PARP8: variants seen among roughly 807,000 people sequenced by gnomAD.
The protein encoded by PARP8 is poly(ADP-ribose) polymerase family member 8, also known as protein mono-ADP-ribosyltransferase PARP8.
Under a neutral mutation model 124.1 loss-of-function variants are expected in PARP8, and 51 were observed. The observed-to-expected ratio is 0.41, with a 90% CI of 0.33 to 0.52. PARP8 has a LOEUF of 0.52. Among genes scored for constraint, PARP8 ranks in the 20% least tolerant of loss-of-function variants. PARP8 has a pLI of 0.21. For missense variants in PARP8, 860 were observed against 1,018.9 expected, an observed-to-expected ratio of 0.84 and a Z score of 2.12; for synonymous variants, 391 against 361.5, an observed-to-expected ratio of 1.08 and a Z score of -0.93.
intron 15 of PARP8, 36 bp from the exon 16 acceptor site, chr5:50,821,177 T>C: frequency 1.9e-6 from 3 of 1,612,300 alleles, no homozygotes; most frequent in Non-Finnish European, 2.5e-6. Context: ...GGATAAAACC[T>C]GAAGGGTAGT....
intron 9 of PARP8, among the ~76,000 whole-genome samples, chr5:50,781,110 A>G (rs72756136): frequency 9.1e-4 from 139 of 151,990 alleles, no homozygotes; most frequent in Non-Finnish European, 4.0e-4. Context: ...CATTTCTCTA[A>G]TTCTTTCATC....
chr5:50,764,529 A>C (rs1404473840), intron 7 of PARP8, among the ~76,000 whole-genome samples: 3 of 152,234 alleles, frequency 2.0e-5, no homozygotes, highest in African/African-American at 7.2e-5. Flanking sequence ...TACCATCTGC[A>C]GCCTAAGATA....
At chr5:50,832,292 A>G (rs1340408646) in intron 22 of PARP8, among the ~76,000 whole-genome samples, 1 of 152,212 alleles carries the variant, frequency 6.6e-6, no homozygotes, top group East Asian at 1.9e-4. Context: ...TTACAGAGTA[A>G]GCTAAAATTT....
At chr5:50,776,463 G>A (rs1740030524) in intron 7 of PARP8, among the ~76,000 whole-genome samples, 1 of 152,156 alleles carries the variant, frequency 6.6e-6, no homozygotes, top group South Asian at 2.1e-4. Context: ...AAAATAGTTT[G>A]CAAAGCACAG....
At position 50,845,139 on chromosome 5, in the gene PARP8, A is replaced by AT. The variant is rs1748520476; in HGVS notation, c.*3076dup. ...TTAAGTTTAGAGAAGAAATTCCTTCATTTTTCTCCCCTTTGCTAAAAGAAA... is the reference window on the plus strand; with the variant it reads ...TTAAGTTTAGAGAAGAAATTCCTTCATTTTTTCTCCCCTTTGCTAAAAGAAA... On this transcript the variant is annotated 3_prime_UTR_variant, in exon 26 of 26. Transcript: ENST00000281631. 1 of 151,622 alleles carries AT rather than the reference A, an allele frequency of 6.6e-6. No individual in the cohort carries two copies. Among genetic ancestry groups the AT allele is most frequent in the Non-Finnish European group, 1.5e-5 (1 of 67,690 alleles). 9.4% of individuals were successfully genotyped at this position (151,622 alleles called of 1,614,324 possible).
At chr5:50,779,165 C>T (rs1380559562) in intron 9 of PARP8, among the ~76,000 whole-genome samples, 3 of 151,754 alleles carry the variant, frequency 2.0e-5, no homozygotes, top group African/African-American at 7.3e-5. Flanking sequence ...ATGTTTTTTC[C>T]TACCTACTAC....
chr5:50,835,892 G>A (rs964695489), intron 25 of PARP8, among the ~76,000 whole-genome samples: 12 of 152,212 alleles, frequency 7.9e-5, no homozygotes, highest in East Asian at 3.9e-4. Context: ...CTTCCAACCC[G>A]TTTCCCATGC....
Position 50,766,287 on chromosome 5 carries a change from C to T in PARP8, c.518+3045C>T, listed in dbSNP as rs185258124. 4.8e-3 allele frequency among the ~76,000 whole-genome samples: 732 copies of T among 152,236 alleles called. 3 individuals are homozygous for T. Among genetic ancestry groups the T allele is most frequent in the Non-Finnish European group, 7.9e-3 (537 of 68,008 alleles). On this transcript the variant is annotated intron_variant, in intron 7 of 25. Transcript: ENST00000281631. ...CTTTTGTATAGGAAGTGAGTTAGGT[C>T]TTGGGGCAACATGAACTTTGCGATC...
At chr5:50,748,501 A>G (rs1286139051) in intron 2 of PARP8, among the ~76,000 whole-genome samples, 2 of 152,148 alleles carry the variant, frequency 1.3e-5, no homozygotes, top group Non-Finnish European at 2.9e-5. Flanking sequence ...GTCTGGTATT[A>G]TTCATCCAGA....
chr5:50,685,841 C>T (rs940897409), intron 2 of PARP8, among the ~76,000 whole-genome samples: 1 of 152,126 alleles, frequency 6.6e-6, no homozygotes, highest in Non-Finnish European at 1.5e-5. Context: ...TGCAGCAAAA[C>T]TCCCCTCTTG....
chr5:50,795,151 T>A lies in PARP8; in HGVS notation c.1162T>A (p.Ser388Thr). The A allele has an allele frequency of 1.2e-6, 2 of 1,614,174 alleles. No individual in the cohort carries two copies. The highest frequency in any genetic ancestry group is 1.7e-6 in the Non-Finnish European group (2 of 1,180,034). ...TLKSHRLLTRSCSGDPRCEHN... is the reference protein window; with the variant it reads ...TLKSHRLLTRTCSGDPRCEHN... ...AAAGTCGCATAGACTATTGACTCGA[T>A]CTTGTTCTGGAGATCCACGATGTGA... The change falls in exon 12 of 26, where the codon TCT (serine) becomes ACT (threonine). Residue 388 changes from serine to threonine, a missense_variant. Ser to Thr is a moderately conservative substitution (Grantham distance 58). Coordinates refer to ENST00000281631, the MANE Select transcript of PARP8 (RefSeq NM_024615.4).
intron 3 of PARP8, 64 bp from the exon 4 acceptor site, chr5:50,759,579 T>G: frequency 6.8e-7 from 1 of 1,470,454 alleles, no homozygotes; most frequent in Non-Finnish European, 9.0e-7. Context: ...TTAGCTATTA[T>G]TTTTGTAAAG....
intron 2 of PARP8, among the ~76,000 whole-genome samples, chr5:50,698,711 G>A (rs1254203373): frequency 6.6e-6 from 1 of 152,062 alleles, no homozygotes; most frequent in East Asian, 1.9e-4. Flanking sequence ...GAACCCACTG[G>A]AAAAACTAAA....
At chr5:50,811,494 C>T (rs1411273746) in intron 14 of PARP8, among the ~76,000 whole-genome samples, 2 of 151,562 alleles carry the variant, frequency 1.3e-5, no homozygotes, top group Non-Finnish European at 1.5e-5. Flanking sequence ...CTGTGTCTAT[C>T]GCATTTTTCC....
Position 50,686,790 on chromosome 5 carries a change from TGAGC to T in PARP8, c.146+18666_146+18669del, listed in dbSNP as rs1221633787. Among the ~76,000 whole-genome samples, 3 of 152,152 alleles carry T rather than the reference TGAGC, an allele frequency of 2.0e-5. No individual in the cohort carries two copies. In the East Asian group the frequency reaches 5.8e-4, roughly 29 times the overall value. ...GCTTCCACCCTCTGAAGCAACAGCC[TGAGC>T]TATACCTTGGGTCCTTTCAGTCAGG... On this transcript the variant is annotated intron_variant, in intron 2 of 25. Transcript: ENST00000281631.
chr5:50,778,484 TAA>T (rs1740286953), intron 8 of PARP8, 74 bp from the exon 9 acceptor site: 1 of 1,311,128 alleles, frequency 7.6e-7, no homozygotes, highest in Non-Finnish European at 1.1e-6. Context: ...ACACAAGTTT[TAA>T]AAGTTTGTGT....
At chr5:50,705,824 T>C (rs559312843) in intron 2 of PARP8, among the ~76,000 whole-genome samples, 1 of 152,192 alleles carries the variant, frequency 6.6e-6, no homozygotes, top group Admixed American at 6.5e-5. Flanking sequence ...AGGACTTGAC[T>C]TTCATCATAA....
chr5:50,668,253 C>G (rs1749593084), intron 2 of PARP8, 128 bp downstream of exon 2: 5 of 841,262 alleles, frequency 5.9e-6, no homozygotes, highest in Non-Finnish European at 9.9e-6. Context: ...TCTTTACCTG[C>G]TACCCAAGCC....
At chr5:50,721,401 C>T (rs1010551253) in intron 2 of PARP8, among the ~76,000 whole-genome samples, 1 of 152,100 alleles carries the variant, frequency 6.6e-6, no homozygotes, top group Admixed American at 6.6e-5. Context: ...CCAGCTATTT[C>T]AGAAGCATTA....
Sources: allele counts gnomAD v4.1 joint callset (sites outside exome capture counted in the v4.1 genomes callset), GRCh38; gene constraint gnomAD v4.1.1; transcripts MANE v1.5; gene names NCBI Gene and HGNC (gene_info 2026-07-23, HGNC 2026-07-21).